MIB1: variants seen among roughly 807,000 people sequenced by gnomAD.
MIB1 encodes the protein E3 ubiquitin-protein ligase MIB1.
A neutral mutation model predicts 124.5 loss-of-function variants in MIB1; 278 were observed. The observed-to-expected ratio is 2.23, with a 90% CI of 2.02 to 2.47. The LOEUF (loss-of-function observed/expected upper bound fraction) is 2.47, where lower values mean the gene tolerates loss of function less well. Ranked by LOEUF, MIB1 falls within the 30% of genes most tolerant of loss-of-function variation. The pLI, the probability that MIB1 is intolerant of heterozygous loss-of-function variation, is 0.00. For synonymous variants in MIB1, 446 were observed against 429.4 expected, an observed-to-expected ratio of 1.04 and a Z score of -0.48; for missense variants, 957 against 1,254.4, an observed-to-expected ratio of 0.76 and a Z score of 3.58.
chr18:21,831,931 G>T (rs1303222890), intron 12 of MIB1, among the ~76,000 whole-genome samples: 1 of 152,124 alleles, frequency 6.6e-6, no homozygotes, highest in Non-Finnish European at 1.5e-5. Flanking sequence ...GTTATGGATG[G>T]TGATATGTTA....
At chr18:21,737,590 G>C (rs2040801914), upstream of MIB1, among the ~76,000 whole-genome samples, 1 of 152,102 alleles carries the variant, frequency 6.6e-6, no homozygotes, top group Non-Finnish European at 1.5e-5. Context: ...TGGCAAATTG[G>C]ATAAAGAGTC....
At chr18:21,816,570 A>G (rs1041239644) in intron 11 of MIB1, among the ~76,000 whole-genome samples, 3 of 152,250 alleles carry the variant, frequency 2.0e-5, no homozygotes, top group African/African-American at 7.2e-5. Flanking sequence ...CTATTTGAAT[A>G]TGTAAAACAT....
chr18:21,797,680 A>C (rs1265930747), intron 7 of MIB1, among the ~76,000 whole-genome samples: 1 of 152,074 alleles, frequency 6.6e-6, no homozygotes, highest in Non-Finnish European at 1.5e-5. Flanking sequence ...TGGCCAAATT[A>C]GTTTATTTTT....
At chr18:21,851,104 G>C (rs1032027984) in intron 17 of MIB1, among the ~76,000 whole-genome samples, 4 of 152,164 alleles carry the variant, frequency 2.6e-5, no homozygotes, top group Non-Finnish European at 5.9e-5. Context: ...TAGGAGTTCA[G>C]AGCCTCTGGT....
chr18:21,728,369 T>C (rs994891980), intron 1 of MIB1, among the ~76,000 whole-genome samples: 2 of 152,126 alleles, frequency 1.3e-5, no homozygotes, highest in Non-Finnish European at 2.9e-5. Context: ...TGTGGGCACC[T>C]GTAATCCCAG....
chr18:21,762,856 A>C (rs1186813525), intron 1 of MIB1, among the ~76,000 whole-genome samples: 1 of 152,180 alleles, frequency 6.6e-6, no homozygotes, highest in East Asian at 1.9e-4. Context: ...CTCTGAAAAA[A>C]TTTAAACTTT....
intron 16 of MIB1, among the ~76,000 whole-genome samples, 168 bp from the exon 17 acceptor site, chr18:21,849,028 C>T (rs143552928): frequency 5.3e-5 from 8 of 152,012 alleles, no homozygotes; most frequent in African/African-American, 1.2e-4. Context: ...GATGCAGAGA[C>T]GCATATAAAC....
intron 12 of MIB1, among the ~76,000 whole-genome samples, chr18:21,833,042 ATGAGGAAAC>A (rs1433926801): frequency 6.6e-6 from 1 of 152,194 alleles, no homozygotes; most frequent in African/African-American, 2.4e-5. Flanking sequence ...CATTTTACAG[ATGAGGAAAC>A]TGAGGCACAG....
At chr18:21,794,819 A>G (rs1302585152) in intron 7 of MIB1, among the ~76,000 whole-genome samples, 2 of 152,166 alleles carry the variant, frequency 1.3e-5, no homozygotes, top group Non-Finnish European at 2.9e-5. Context: ...ATACTCAAGG[A>G]AAGAATATAA....
chr18:21,743,486 T>C (rs2040879365), intron 1 of MIB1, among the ~76,000 whole-genome samples: 1 of 152,236 alleles, frequency 6.6e-6, no homozygotes, highest in South Asian at 2.1e-4. Context: ...ATGTGTTGAG[T>C]ATTTCTGAAG....
In MIB1 at chr18:21,865,119, A is replaced by G. The variant is rs959552246; in HGVS notation, c.*453A>G. ...AAGAGGCAGGTCAAACAATTATGTCACATGGTAAATTATAAAATGACAGTA... is the reference window on the plus strand; with the variant it reads ...AAGAGGCAGGTCAAACAATTATGTCGCATGGTAAATTATAAAATGACAGTA... On this transcript the variant is annotated 3_prime_UTR_variant, in exon 21 of 21. Transcript: ENST00000261537. The G allele has an allele frequency of 6.6e-6, 1 of 152,646 alleles. No homozygotes were observed. The highest frequency in any genetic ancestry group is 2.4e-5 in the African/African-American group (1 of 41,490). The allele number at this position is 152,646 out of a possible 1,614,324, so 9.5% of individuals were successfully genotyped here.
chr18:21,727,094 C>A (rs868028184), intron 1 of MIB1, among the ~76,000 whole-genome samples: 1 of 152,098 alleles, frequency 6.6e-6, no homozygotes, highest in Non-Finnish European at 1.5e-5. Context: ...AGTAAACCCT[C>A]CTAGGAGACT....
intron 7 of MIB1, among the ~76,000 whole-genome samples, chr18:21,797,101 A>G (rs1367338374): frequency 6.6e-6 from 1 of 152,154 alleles, no homozygotes; most frequent in African/African-American, 2.4e-5. Context: ...GAATTTTGTG[A>G]TATGTAACTA....
intron 1 of MIB1, among the ~76,000 whole-genome samples, chr18:21,743,388 C>T (rs1366269677): frequency 1.3e-5 from 2 of 152,168 alleles, no homozygotes; most frequent in Non-Finnish European, 2.9e-5. Context: ...TTTATCTAAC[C>T]AGGACTTTAT....
chr18:21,854,098 C>T (rs1352602292), intron 18 of MIB1, among the ~76,000 whole-genome samples: 1 of 151,304 alleles, frequency 6.6e-6, no homozygotes, highest in Non-Finnish European at 1.5e-5. Context: ...AACATTTTGC[C>T]TAAAGTGACT....
chr18:21,824,613 T>A (rs1041474452), intron 12 of MIB1, among the ~76,000 whole-genome samples: 8 of 152,028 alleles, frequency 5.3e-5, no homozygotes, highest in Non-Finnish European at 1.0e-4. Context: ...GAGGTGTAAT[T>A]AATAGGAGGA....
At chr18:21,840,345 A>G (rs2042071751) in intron 13 of MIB1, among the ~76,000 whole-genome samples, 1 of 152,134 alleles carries the variant, frequency 6.6e-6, no homozygotes, top group African/African-American at 2.4e-5. Flanking sequence ...TGCCAAAGTA[A>G]TATGGGAAAG....
At chr18:21,837,998 G>T (rs1249536618) in intron 12 of MIB1, among the ~76,000 whole-genome samples, 1 of 152,054 alleles carries the variant, frequency 6.6e-6, no homozygotes, top group Non-Finnish European at 1.5e-5. Context: ...CCTCATTAGG[G>T]TATATTTCTT....
At chr18:21,811,817 G>A (rs887055663) in intron 10 of MIB1, among the ~76,000 whole-genome samples, 1 of 152,120 alleles carries the variant, frequency 6.6e-6, no homozygotes, top group African/African-American at 2.4e-5. Context: ...TGGTTGCACA[G>A]TGATATGAAT....
Sources: allele counts gnomAD v4.1 joint callset (sites outside exome capture counted in the v4.1 genomes callset), GRCh38; gene constraint gnomAD v4.1.1; transcripts MANE v1.5; gene names NCBI Gene and HGNC (gene_info 2026-07-23, HGNC 2026-07-21).